Variants in MYT1L observed in about 807,000 individuals in gnomAD.
MYT1L encodes the protein myelin transcription factor 1 like.
A neutral mutation model predicts 126.7 loss-of-function variants in MYT1L; 12 were observed. The ratio of observed to expected loss-of-function variants is 0.09; its 90% CI spans 0.06 to 0.15. The LOEUF is 0.15. Ranked by LOEUF, MYT1L falls within the 10% of genes least tolerant of loss-of-function variation. The pLI is 1.00. For synonymous variants in MYT1L, 541 were observed against 604.2 expected, an observed-to-expected ratio of 0.90 and a Z score of 1.53; for missense variants, 979 against 1,585.2, an observed-to-expected ratio of 0.62 and a Z score of 6.49.
At chr2:1,875,614 G>A (rs1334884282) in intron 18 of MYT1L, among the ~76,000 whole-genome samples, 1 of 152,192 alleles carries the variant, frequency 6.6e-6, no homozygotes, top group Non-Finnish European at 1.5e-5. Context: ...CTGCCGTTCT[G>A]TCTCTGTCCC....
intron 2 of MYT1L, among the ~76,000 whole-genome samples, chr2:2,177,194 T>C (rs1161078311): frequency 1.3e-5 from 2 of 152,222 alleles, no homozygotes; most frequent in Non-Finnish European, 2.9e-5. Flanking sequence ...AATTTGGCAG[T>C]GTGAATGAAA....
Position 1,910,182 on chromosome 2 carries a change from C to T in MYT1L, c.1817+58G>A, listed in dbSNP as rs996552754. On this transcript the variant is annotated intron_variant, in intron 13 of 24. Coordinates refer to ENST00000647738, the MANE Select transcript of MYT1L (RefSeq NM_001303052.2). This position sits in a 1 kb window ranked among gnomAD's most constrained non-coding sequence, Gnocchi z 4.8. The stretch of plus-strand genomic sequence containing the variant: ...GCCCTGAGCGGGTGTCCCCAGCGCT[C>T]CGAGGTGTGGGGCAGACTATGGATA... 1 of 1,507,804 alleles carries T rather than the reference C, an allele frequency of 6.6e-7. No homozygotes were observed. The highest frequency in any genetic ancestry group is 9.1e-7 in the Non-Finnish European group (1 of 1,092,926). 93.4% of individuals were successfully genotyped at this position (1,507,804 alleles called of 1,614,324 possible).
intron 3 of MYT1L, among the ~76,000 whole-genome samples, chr2:2,113,078 C>T (rs2079689261): frequency 6.6e-6 from 1 of 152,182 alleles, no homozygotes; most frequent in Non-Finnish European, 1.5e-5. Context: ...CTGCCAGCTT[C>T]ACTGTCTCCT....
At chr2:2,316,976 A>AT (rs1181265803) in intron 1 of MYT1L, among the ~76,000 whole-genome samples, 19 of 141,420 alleles carry the variant, frequency 1.3e-4, no homozygotes, top group East Asian at 5.9e-4. Flanking sequence ...ATGCCCAGCC[A>AT]ATTTTTTTTT....
intron 1 of MYT1L, among the ~76,000 whole-genome samples, chr2:2,294,357 T>C (rs1207832157): frequency 6.6e-6 from 1 of 152,112 alleles, no homozygotes; most frequent in Non-Finnish European, 1.5e-5. Context: ...TATCTTAGGA[T>C]GGTTTCAATT....
intron 18 of MYT1L, among the ~76,000 whole-genome samples, chr2:1,872,208 G>A (rs773924331): frequency 1.6e-4 from 24 of 152,132 alleles, no homozygotes; most frequent in African/African-American, 4.1e-4. Context: ...TCATTGTCTC[G>A]GAGAGCTATG....
At chr2:1,860,645 T>C (rs904545334) in intron 18 of MYT1L, among the ~76,000 whole-genome samples, 1 of 152,194 alleles carries the variant, frequency 6.6e-6, no homozygotes, top group Non-Finnish European at 1.5e-5. Flanking sequence ...GGCGGTGGGA[T>C]CCGGGATGAG....
At chr2:2,255,531 A>G (rs893663382) in intron 2 of MYT1L, among the ~76,000 whole-genome samples, 2 of 152,194 alleles carry the variant, frequency 1.3e-5, no homozygotes. Context: ...TGGAAATTCA[A>G]ATTACTCTGG....
chr2:2,205,262 T>C (rs900680746), intron 2 of MYT1L, among the ~76,000 whole-genome samples: 5 of 151,798 alleles, frequency 3.3e-5, no homozygotes, highest in Non-Finnish European at 5.9e-5. Context: ...AAACGTAAAG[T>C]ATAATAATAA....
chr2:2,052,151 G>A (rs753199379), intron 4 of MYT1L, among the ~76,000 whole-genome samples: 9 of 152,048 alleles, frequency 5.9e-5, no homozygotes, highest in African/African-American at 7.2e-5. Flanking sequence ...TTGCATATAC[G>A]GTCAAATGAT....
chr2:1,881,718 C>T (rs2047577570), intron 18 of MYT1L, among the ~76,000 whole-genome samples: 1 of 152,058 alleles, frequency 6.6e-6, no homozygotes, highest in South Asian at 2.1e-4. Flanking sequence ...GGGCGGGTCT[C>T]AGCTCAGCTC....
At chr2:2,170,215 T>C (rs1251084450) in intron 3 of MYT1L, among the ~76,000 whole-genome samples, 1 of 152,210 alleles carries the variant, frequency 6.6e-6, no homozygotes, top group African/African-American at 2.4e-5. Context: ...GGAACATCTC[T>C]CTTCCAAAAC....
chr2:2,226,437 C>T (rs1414317554), intron 2 of MYT1L, among the ~76,000 whole-genome samples: 1 of 152,174 alleles, frequency 6.6e-6, no homozygotes, highest in Admixed American at 6.5e-5. Flanking sequence ...TTCAGAACAT[C>T]CAGAGTCATG....
intron 4 of MYT1L, among the ~76,000 whole-genome samples, chr2:2,016,146 GT>G (rs1342359167): frequency 6.6e-6 from 1 of 152,234 alleles, no homozygotes; most frequent in African/African-American, 2.4e-5. Context: ...CACATCCACT[GT>G]TTGGGTGCAG....
At chr2:2,240,771 C>T (rs1198571243) in intron 2 of MYT1L, among the ~76,000 whole-genome samples, 8 of 152,330 alleles carry the variant, frequency 5.3e-5, no homozygotes, top group African/African-American at 9.6e-5. Flanking sequence ...TCACTCTCCC[C>T]GCCAGCCCCG....
At chr2:2,071,519 G>A (rs113111924) in intron 3 of MYT1L, among the ~76,000 whole-genome samples, 18 of 152,304 alleles carry the variant, frequency 1.2e-4, no homozygotes, top group African/African-American at 3.4e-4. Flanking sequence ...AGCTCAGGAC[G>A]CCATGGGCTC....
At chr2:2,180,972 CTGTGTGTGTACCTGTGTGTGCT>C (rs1280046776) in intron 2 of MYT1L, among the ~76,000 whole-genome samples, 14 of 143,628 alleles carry the variant, frequency 9.7e-5, no homozygotes, top group Non-Finnish European at 1.2e-4. Flanking sequence ...GTAACCGTAC[CTGTGTGTGTACCTGTGTGTGCT>C]TGTGTATGTA....
intron 3 of MYT1L, among the ~76,000 whole-genome samples, chr2:2,101,885 T>C (rs760570906): frequency 6.6e-5 from 10 of 152,240 alleles, no homozygotes; most frequent in Non-Finnish European, 1.2e-4. Context: ...TATTACTGTT[T>C]TACCTTATGT....
chr2:1,987,718 A>G (rs987013207), intron 5 of MYT1L, among the ~76,000 whole-genome samples: 2 of 152,186 alleles, frequency 1.3e-5, no homozygotes, highest in African/African-American at 4.8e-5. Flanking sequence ...TCTAAGAGAA[A>G]GAGCAGACGT....
Sources: allele counts gnomAD v4.1 joint callset (sites outside exome capture counted in the v4.1 genomes callset), GRCh38; gene constraint gnomAD v4.1.1; non-coding constraint Gnocchi (gnomAD v3.1); transcripts MANE v1.5; gene names NCBI Gene and HGNC (gene_info 2026-07-23, HGNC 2026-07-21).